SNTG1: variants seen among roughly 807,000 people sequenced by gnomAD.
SNTG1 encodes syntrophin gamma 1, also known as gamma-1-syntrophin.
In SNTG1, 39 loss-of-function variants were observed where a neutral mutation model predicts 74.7. That is an observed-to-expected ratio of 0.52 (90% CI 0.40 to 0.68). The LOEUF (loss-of-function observed/expected upper bound fraction) is 0.68, where lower values mean the gene tolerates loss of function less well. Ranked by LOEUF, SNTG1 falls within the 30% of genes least tolerant of loss-of-function variation. The pLI is 0.00. For missense variants in SNTG1, 685 were observed against 609.5 expected (o/e 1.12, Z -1.30); for synonymous variants, 254 against 217.1 (o/e 1.17, Z -1.49).
chr8:50,792,586 T>G, intron 18 of SNTG1, 85 bp from the exon 19 acceptor site: 1 of 1,348,674 alleles, frequency 7.4e-7, no homozygotes, highest in South Asian at 1.5e-5. Flanking sequence ...ATAAGTGTAT[T>G]GAAATTGAAA....
rs1802803040 is a variant in SNTG1, at chr8:50,796,205, C to G, written c.*3376C>G. 6.6e-6 allele frequency: 1 copy of G among 151,964 alleles called. No homozygotes were observed. The highest frequency in any genetic ancestry group is 1.5e-5 in the Non-Finnish European group (1 of 67,940). The allele number at this position is 151,964 out of a possible 1,614,324, so 9.4% of individuals were successfully genotyped here. A position where few individuals can be genotyped will look rare whatever the true frequency, so the allele number is the denominator to read the frequency against. On this transcript the variant is annotated 3_prime_UTR_variant, in exon 19 of 19. Transcript: ENST00000642720. Reference sequence around the variant, plus strand: ...ATAATTTAGAATTACTGCTAGAAATCAGCAGTGTGGAGAAGCTTTAAAAGC... The same window carrying G: ...ATAATTTAGAATTACTGCTAGAAATGAGCAGTGTGGAGAAGCTTTAAAAGC...
At chr8:49,972,706 G>T (rs148771789) in intron 1 of SNTG1, among the ~76,000 whole-genome samples, 2 of 151,908 alleles carry the variant, frequency 1.3e-5, no homozygotes, top group East Asian at 3.9e-4. Flanking sequence ...TGGGTGAAGG[G>T]TATGAACAGA....
intron 9 of SNTG1, among the ~76,000 whole-genome samples, chr8:50,522,347 G>A (rs115690539): frequency 1.2e-3 from 190 of 152,180 alleles, no homozygotes; most frequent in African/African-American, 4.5e-3. Flanking sequence ...GGTCTCAACA[G>A]TGGGCTTAAA....
At chr8:50,158,352 T>C (rs1224769399) in intron 1 of SNTG1, among the ~76,000 whole-genome samples, 3 of 152,122 alleles carry the variant, frequency 2.0e-5, no homozygotes, top group Non-Finnish European at 4.4e-5. Context: ...ATGTGCAAAG[T>C]AGCTTCTTGG....
intron 2 of SNTG1, among the ~76,000 whole-genome samples, chr8:50,209,942 G>T (rs1368304898): frequency 1.3e-5 from 2 of 152,180 alleles, no homozygotes; most frequent in Non-Finnish European, 2.9e-5. Flanking sequence ...ACTAAAGGAG[G>T]ATGTACGAAT....
intron 1 of SNTG1, among the ~76,000 whole-genome samples, chr8:49,983,313 T>C (rs1812850264): frequency 6.6e-6 from 1 of 152,174 alleles, no homozygotes; most frequent in Non-Finnish European, 1.5e-5. Flanking sequence ...GAAGCAAAAA[T>C]AAAATATTTG....
At chr8:49,950,926 G>T (rs1489998556) in intron 1 of SNTG1, among the ~76,000 whole-genome samples, 1 of 152,100 alleles carries the variant, frequency 6.6e-6, no homozygotes, top group African/African-American at 2.4e-5. Flanking sequence ...TTCTTTACTT[G>T]CAAAGAGCTC....
At chr8:49,978,546 TA>T (rs1192786854) in intron 1 of SNTG1, among the ~76,000 whole-genome samples, 1 of 152,218 alleles carries the variant, frequency 6.6e-6, no homozygotes, top group Non-Finnish European at 1.5e-5. Context: ...TTTGTACCTG[TA>T]AAAATGGGCT....
intron 2 of SNTG1, among the ~76,000 whole-genome samples, chr8:50,200,370 A>G (rs1216771189): frequency 6.6e-6 from 1 of 152,198 alleles, no homozygotes; most frequent in African/African-American, 2.4e-5. Flanking sequence ...CCAAGGTCAC[A>G]ATGACTTGAG....
rs1203670716 is a variant in SNTG1, at chr8:50,266,660, G to T, written c.-28+94025G>T. 8.3e-5 allele frequency among the ~76,000 whole-genome samples: 9 copies of T among 108,612 alleles called. No individual in the cohort carries two copies. In the South Asian group the frequency reaches 2.4e-3, roughly 29 times the overall value. The allele number at this position is 108,612 out of a possible 152,430, so 71.3% of individuals were successfully genotyped here. On this transcript the variant is annotated intron_variant, in intron 2 of 18. Coordinates refer to ENST00000642720, the MANE Select transcript of SNTG1 (RefSeq NM_018967.5). ...GACACAGAATTATGTGTGTGTGTGT[G>T]TGTGTGTGTGTGTGTGTGTGTGTGT...
intron 2 of SNTG1, among the ~76,000 whole-genome samples, chr8:50,319,224 C>T (rs1157474182): frequency 6.6e-6 from 1 of 151,988 alleles, no homozygotes; most frequent in African/African-American, 2.4e-5. Context: ...ATTAGCTGGA[C>T]ATGGTGGTGC....
rs184019246 is a variant in SNTG1, at chr8:50,407,076, C to T, written c.162+4732C>T. 1.1e-3 allele frequency among the ~76,000 whole-genome samples: 171 copies of T among 152,292 alleles called. 1 individual carries two copies. The highest frequency in any genetic ancestry group is 4.0e-3 in the African/African-American group (167 of 41,566). ...TACCCTCTTTAAACTTGACCTTTCACAGTGCACTGTTTGTGTTGTATTGCC... is the reference window on the plus strand; with the variant it reads ...TACCCTCTTTAAACTTGACCTTTCATAGTGCACTGTTTGTGTTGTATTGCC... On this transcript the variant is annotated intron_variant, in intron 4 of 18. Transcript: ENST00000642720.
intron 18 of SNTG1, among the ~76,000 whole-genome samples, chr8:50,763,024 G>T (rs1355066): frequency 6.6e-6 from 1 of 151,766 alleles, no homozygotes; most frequent in African/African-American, 2.4e-5. Context: ...TTATCTCTCA[G>T]ACTTGTCCAC....
chr8:50,765,356 G>C (rs941287671), intron 18 of SNTG1, among the ~76,000 whole-genome samples: 1 of 151,942 alleles, frequency 6.6e-6, no homozygotes, highest in Non-Finnish European at 1.5e-5. Context: ...AGGTTTACTG[G>C]TCTGCATCCA....
At chr8:50,576,311 C>T (rs898036885) in intron 12 of SNTG1, among the ~76,000 whole-genome samples, 1 of 152,110 alleles carries the variant, frequency 6.6e-6, no homozygotes, top group Admixed American at 6.5e-5. Flanking sequence ...TATTTCTGGA[C>T]TCTATTCTAT....
In SNTG1 at chr8:50,134,295, G is replaced by A. The variant is rs77644189; in HGVS notation, c.-102-38266G>A. On this transcript the variant is annotated intron_variant, in intron 1 of 18. Coordinates refer to ENST00000642720, the MANE Select transcript of SNTG1 (RefSeq NM_018967.5). ...AAGTCACCCAGGTGAACAAATCTGCGTGGTTAATAAGTGTAAAGGAGAATG... is the reference window on the plus strand; with the variant it reads ...AAGTCACCCAGGTGAACAAATCTGCATGGTTAATAAGTGTAAAGGAGAATG... 2.3e-4 allele frequency among the ~76,000 whole-genome samples: 35 copies of A among 152,330 alleles called. No individual in the cohort carries two copies. The East Asian group carries it at 3.7e-3, about 16-fold the overall frequency.
At chr8:50,608,317 A>G (rs1016710123) in intron 13 of SNTG1, among the ~76,000 whole-genome samples, 14 of 151,656 alleles carry the variant, frequency 9.2e-5, no homozygotes, top group African/African-American at 3.4e-4. Flanking sequence ...TCCAACTCTC[A>G]TTTAAAAATT....
chr8:50,148,439 G>T (rs1179985274), intron 1 of SNTG1, among the ~76,000 whole-genome samples: 1 of 152,042 alleles, frequency 6.6e-6, no homozygotes. Flanking sequence ...TTAACTTCTA[G>T]GGTACATGTG....
chr8:50,381,481 G>A (rs983793778), intron 2 of SNTG1, among the ~76,000 whole-genome samples: 1 of 149,294 alleles, frequency 6.7e-6, no homozygotes, highest in African/African-American at 2.5e-5. Context: ...AAAATCTAAA[G>A]TTTACATTTT....
Sources: allele counts gnomAD v4.1 joint callset (sites outside exome capture counted in the v4.1 genomes callset), GRCh38; gene constraint gnomAD v4.1.1; transcripts MANE v1.5; gene names NCBI Gene and HGNC (gene_info 2026-07-23, HGNC 2026-07-21).